The following KCNJ6 variants were observed in gnomAD, a reference collection of about 807,000 sequenced individuals.
KCNJ6 encodes the protein potassium inwardly rectifying channel subfamily J member 6.
Under a neutral mutation model 34.2 loss-of-function variants are expected in KCNJ6, and 9 were observed. The observed-to-expected ratio is 0.26, with a 90% CI of 0.16 to 0.46. The LOEUF is 0.46. KCNJ6 is among the 20% of genes least tolerant of loss of function. The pLI, the probability that KCNJ6 is intolerant of heterozygous loss-of-function variation, is 1.00. For synonymous variants in KCNJ6, 196 were observed against 207.1 expected, an observed-to-expected ratio of 0.95 and a Z score of 0.46; for missense variants, 236 against 531.3, an observed-to-expected ratio of 0.44 and a Z score of 5.46.
At chr21:37,691,901 T>C (rs1470495926) in intron 3 of KCNJ6, among the ~76,000 whole-genome samples, 2 of 152,158 alleles carry the variant, frequency 1.3e-5, no homozygotes, top group African/African-American at 2.4e-5. Flanking sequence ...CCACTCTGGA[T>C]CAAACATATT....
In KCNJ6 at chr21:37,617,058, T is replaced by TTTCTTTCTTTC. The variant is rs376632945; in HGVS notation, c.*8100_*8101insGAAAGAAAGAA. On this transcript the variant is annotated 3_prime_UTR_variant, in exon 4 of 4. Transcript: ENST00000609713. ...TTTCTTTCTTTCTTTCTTTCTTTTCTTTTCTTTTCTTTTCTTTTCTTTCTT... is the reference window on the plus strand; with the variant it reads ...TTTCTTTCTTTCTTTCTTTCTTTTCTTTCTTTCTTTCTTTCTTTTCTTTTCTTTTCTTTCTT... 1.5e-3 allele frequency: 83 copies of TTTCTTTCTTTC among 54,446 alleles called. No homozygotes were observed. Among genetic ancestry groups the TTTCTTTCTTTC allele is most frequent in the Non-Finnish European group, 1.4e-3 (36 of 25,384 alleles). The allele number at this position is 54,446 out of a possible 1,614,324, so 3.4% of individuals were successfully genotyped here.
intron 2 of KCNJ6, among the ~76,000 whole-genome samples, chr21:37,827,922 T>G (rs897731579): frequency 6.6e-6 from 1 of 152,174 alleles, no homozygotes; most frequent in Non-Finnish European, 1.5e-5. Flanking sequence ...GGAGCTGGTA[T>G]GATCAGTGGC....
At chr21:37,814,080 C>A (rs537589170) in intron 2 of KCNJ6, among the ~76,000 whole-genome samples, 9 of 152,086 alleles carry the variant, frequency 5.9e-5, no homozygotes, top group Admixed American at 5.9e-4. Context: ...ATAATCCGAT[C>A]AAAAAATAGG....
At chr21:37,628,337 A>C (rs2054319881) in intron 3 of KCNJ6, among the ~76,000 whole-genome samples, 1 of 152,194 alleles carries the variant, frequency 6.6e-6, no homozygotes, top group South Asian at 2.1e-4. Flanking sequence ...GAATATCAAT[A>C]ATAAAAATAA....
At chr21:37,753,400 T>C (rs938504485) in intron 2 of KCNJ6, among the ~76,000 whole-genome samples, 1 of 152,206 alleles carries the variant, frequency 6.6e-6, no homozygotes, top group Non-Finnish European at 1.5e-5. Context: ...GAAGATAGGC[T>C]ATGATGTGAG....
intron 3 of KCNJ6, among the ~76,000 whole-genome samples, chr21:37,670,035 T>C (rs956295783): frequency 2.0e-5 from 3 of 152,242 alleles, no homozygotes; most frequent in African/African-American, 7.2e-5. Context: ...TTTGAGTTTA[T>C]TTTTGCAAAT....
Position 37,764,541 on chromosome 21 carries a change from G to A in KCNJ6, c.26-49410C>T, listed in dbSNP as rs184806473. On this transcript the variant is annotated intron_variant, in intron 2 of 3. Coordinates refer to ENST00000609713, the MANE Select transcript of KCNJ6 (RefSeq NM_002240.5). ...TTACAGGCGTGCGCCACCATGCCTA[G>A]CTAATTTTTGTATTTTTAGTAGAGC... Among the ~76,000 whole-genome samples, 638 of 152,262 alleles carry A rather than the reference G, an allele frequency of 4.2e-3. 4 individuals are homozygous for A. Among genetic ancestry groups the A allele is most frequent in the Non-Finnish European group, 4.8e-3 (329 of 68,026 alleles).
intron 3 of KCNJ6, among the ~76,000 whole-genome samples, chr21:37,684,440 A>G (rs1001266191): frequency 6.6e-5 from 10 of 152,206 alleles, no homozygotes; most frequent in Non-Finnish European, 8.8e-5. Context: ...TACATCTGCA[A>G]TGGGCCTATT....
At chr21:37,911,088 T>A (rs546090879) in intron 1 of KCNJ6, among the ~76,000 whole-genome samples, 15 of 152,378 alleles carry the variant, frequency 9.8e-5, no homozygotes, top group Admixed American at 2.0e-4. Flanking sequence ...TATTATTTAA[T>A]GTTATTAAAA....
chr21:37,631,978 C>T (rs2054335755), intron 3 of KCNJ6, among the ~76,000 whole-genome samples: 1 of 152,044 alleles, frequency 6.6e-6, no homozygotes, highest in South Asian at 2.1e-4. Context: ...TTCCTCTTTC[C>T]TCTGACTGCT....
At position 37,619,824 on chromosome 21, in the gene KCNJ6, T is replaced by A. The variant is rs997903918; in HGVS notation, c.*5335A>T. On this transcript the variant is annotated 3_prime_UTR_variant, in exon 4 of 4. Coordinates refer to ENST00000609713, the MANE Select transcript of KCNJ6 (RefSeq NM_002240.5). ...GCCACTGAAGCAATATTTCAGCGGC[T>A]GGGCTGGGAATGCCCATTTCTCTGT... 5.3e-5 allele frequency: 8 copies of A among 152,230 alleles called. No homozygotes were observed. Among genetic ancestry groups the A allele is most frequent in the African/African-American group, 1.9e-4 (8 of 41,468 alleles). The allele number at this position is 152,230 out of a possible 1,614,324, so 9.4% of individuals were successfully genotyped here.
At chr21:37,746,879 A>G (rs2835924) in intron 2 of KCNJ6, among the ~76,000 whole-genome samples, 21,684 of 152,188 alleles carry the variant, frequency 0.14, 2,027 homozygotes, top group African/African-American at 0.27. Flanking sequence ...TTTGAGCTCT[A>G]GCATTCCATC....
chr21:37,660,064 G>T (rs774627134), intron 3 of KCNJ6, among the ~76,000 whole-genome samples: 1 of 152,240 alleles, frequency 6.6e-6, no homozygotes, highest in South Asian at 2.1e-4. Flanking sequence ...CCTGGGGCAG[G>T]TGCTAACCCC....
intron 1 of KCNJ6, among the ~76,000 whole-genome samples, chr21:37,909,393 A>C (rs1380988002): frequency 1.3e-5 from 2 of 149,968 alleles, no homozygotes; most frequent in African/African-American, 4.9e-5. Flanking sequence ...TTGGAGACAG[A>C]GTCTCCCTCT....
chr21:37,882,635 A>AGGCTTGT (rs1306349866), intron 1 of KCNJ6, among the ~76,000 whole-genome samples: 5 of 152,248 alleles, frequency 3.3e-5, no homozygotes, highest in Admixed American at 2.6e-4. Context: ...GCAAGAGGTA[A>AGGCTTGT]GGCTTGTGAG....
chr21:37,845,048 G>A (rs112603588), intron 1 of KCNJ6, among the ~76,000 whole-genome samples: 16 of 152,240 alleles, frequency 1.1e-4, no homozygotes, highest in African/African-American at 2.6e-4. Flanking sequence ...GAAGTGGTCC[G>A]CTGCTTGCTG....
At chr21:37,680,084 C>T (rs1414776382) in intron 3 of KCNJ6, among the ~76,000 whole-genome samples, 1 of 152,120 alleles carries the variant, frequency 6.6e-6, no homozygotes, top group Non-Finnish European at 1.5e-5. Flanking sequence ...CTCTCTGATA[C>T]AAAAGTGAGA....
intron 2 of KCNJ6, among the ~76,000 whole-genome samples, chr21:37,800,283 G>A (rs1200085123): frequency 2.0e-5 from 3 of 152,158 alleles, no homozygotes; most frequent in African/African-American, 7.2e-5. Flanking sequence ...AGGATGTGGC[G>A]TGGGATGACC....
chr21:37,764,334 A>C (rs2055080557), intron 2 of KCNJ6, among the ~76,000 whole-genome samples: 1 of 152,110 alleles, frequency 6.6e-6, no homozygotes, highest in South Asian at 2.1e-4. Context: ...ACAAAGTAAG[A>C]GAGAGACTTC....
Sources: allele counts gnomAD v4.1 joint callset (sites outside exome capture counted in the v4.1 genomes callset), GRCh38; gene constraint gnomAD v4.1.1; transcripts MANE v1.5; gene names NCBI Gene and HGNC (gene_info 2026-07-23, HGNC 2026-07-21).